RBFOX1: variants seen among roughly 807,000 people sequenced by gnomAD.
RBFOX1 encodes RNA binding fox-1 homolog 1, also known as RNA binding protein fox-1 homolog 1.
A neutral mutation model predicts 57.7 loss-of-function variants in RBFOX1; 8 were observed. That is an observed-to-expected ratio of 0.14 (90% CI 0.08 to 0.25). The LOEUF (loss-of-function observed/expected upper bound fraction) is 0.25. RBFOX1 is among the 10% of genes least tolerant of loss of function. The pLI is 1.00. For synonymous variants in RBFOX1, 326 were observed against 222.4 expected, an observed-to-expected ratio of 1.47 and a Z score of -4.15; for missense variants, 611 against 548.5, an observed-to-expected ratio of 1.11 and a Z score of -1.14.
intron 2 of RBFOX1, among the ~76,000 whole-genome samples, chr16:6,507,888 C>T (rs550065907): frequency 6.6e-6 from 1 of 152,130 alleles, no homozygotes; most frequent in East Asian, 1.9e-4. Flanking sequence ...ATAAAGAGTT[C>T]TACAGATGTA....
At chr16:6,763,699 G>C (rs1391171934) in intron 3 of RBFOX1, among the ~76,000 whole-genome samples, 1 of 152,150 alleles carries the variant, frequency 6.6e-6, no homozygotes, top group African/African-American at 2.4e-5. Context: ...GTTTTTATTA[G>C]AATGTTTGCC....
intron 3 of RBFOX1, among the ~76,000 whole-genome samples, chr16:6,756,878 G>C (rs562118030): frequency 4.6e-5 from 7 of 152,100 alleles, no homozygotes; most frequent in Non-Finnish European, 1.0e-4. Context: ...GGGAGGCTGA[G>C]GCAGGAGAAT....
intron 3 of RBFOX1, among the ~76,000 whole-genome samples, chr16:6,960,297 A>T (rs6500891): frequency 1.6e-4 from 25 of 151,946 alleles, no homozygotes; most frequent in Non-Finnish European, 1.2e-4. Context: ...ATAGATGAGA[A>T]GTTAATCACT....
chr16:5,802,530 G>A (rs936841640), intron 3 of RBFOX1, among the ~76,000 whole-genome samples: 1 of 152,160 alleles, frequency 6.6e-6, no homozygotes, highest in African/African-American at 2.4e-5. Context: ...CTCTCAGAGG[G>A]AATGCTCAGA....
chr16:7,395,606 G>T (rs572937513), intron 4 of RBFOX1, among the ~76,000 whole-genome samples: 23 of 152,194 alleles, frequency 1.5e-4, no homozygotes, highest in Non-Finnish European at 2.9e-4. Context: ...TACCTTTGTT[G>T]TGGGGATTGA....
At chr16:7,364,576 AAAAAAAAAAAAAAC>A (rs935082868) in intron 4 of RBFOX1, among the ~76,000 whole-genome samples, 6 of 130,400 alleles carry the variant, frequency 4.6e-5, no homozygotes, top group African/African-American at 1.8e-4. Context: ...CAAGAAGACC[AAAAAAAAAAAAAAC>A]AAAAAAAAAA....
chr16:7,503,693 C>T (rs2071780898), intron 4 of RBFOX1, among the ~76,000 whole-genome samples: 2 of 152,166 alleles, frequency 1.3e-5, no homozygotes, highest in South Asian at 4.1e-4. Flanking sequence ...TTCCCGCATA[C>T]CCAGGAGGTG....
At chr16:7,361,583 G>A (rs933477199) in intron 4 of RBFOX1, among the ~76,000 whole-genome samples, 7 of 152,118 alleles carry the variant, frequency 4.6e-5, no homozygotes, top group Non-Finnish European at 1.0e-4. Flanking sequence ...AGCTGTTCCC[G>A]GCCTTGTTTC....
chr16:5,594,979 A>G (rs1000780848), intron 2 of RBFOX1, among the ~76,000 whole-genome samples: 45 of 150,456 alleles, frequency 3.0e-4, no homozygotes, highest in Admixed American at 1.2e-3. Flanking sequence ...TAAAAAAAAA[A>G]AAAAAAAAAA....
At chr16:6,262,525 T>G (rs2097707681) in intron 1 of RBFOX1, among the ~76,000 whole-genome samples, 1 of 152,176 alleles carries the variant, frequency 6.6e-6, no homozygotes, top group African/African-American at 2.4e-5. Flanking sequence ...CAGCATCTCA[T>G]AAACATTGGT....
chr16:5,390,998 C>T (rs907881801), intron 1 of RBFOX1, among the ~76,000 whole-genome samples: 4 of 152,198 alleles, frequency 2.6e-5, no homozygotes, highest in Non-Finnish European at 5.9e-5. Flanking sequence ...TTCATTCCAG[C>T]ATCCTGGCTT....
intron 1 of RBFOX1, among the ~76,000 whole-genome samples, chr16:5,265,862 G>T (rs2062844716): frequency 6.6e-6 from 1 of 152,134 alleles, no homozygotes; most frequent in African/African-American, 2.4e-5. Flanking sequence ...TCTGTGGGTG[G>T]ATGTCTGCAT....
Position 6,612,954 on chromosome 16 carries a change from C to T in RBFOX1, c.-63-41649C>T, listed in dbSNP as rs184095099. ...CAAATTCAGTTTGACAAACAAAGCC[C>T]CCGTACAGTTCACGTGCCAAGTGAG... On this transcript the variant is annotated intron_variant, in intron 2 of 15. Coordinates refer to ENST00000550418, the MANE Select transcript of RBFOX1 (RefSeq NM_018723.4). 3.5e-3 allele frequency among the ~76,000 whole-genome samples: 528 copies of T among 151,588 alleles called. 6 individuals carry two copies. The highest frequency in any genetic ancestry group is 0.012 in the African/African-American group (485 of 41,306).
At position 6,670,231 on chromosome 16, in the gene RBFOX1, G is replaced by GT. The variant is rs560565288; in HGVS notation, c.-16+15592dup. ...GGAGTGCACCGTTATGCCTGGCTAT[G>GT]TTTTTTTTTTTAATTTTTGTAGAGA... On this transcript the variant is annotated intron_variant, in intron 3 of 15. Coordinates refer to ENST00000550418, the MANE Select transcript of RBFOX1 (RefSeq NM_018723.4). Among the ~76,000 whole-genome samples the GT allele has an allele frequency of 5.5e-3, 817 of 147,946 alleles. 7 individuals are homozygous for GT. Among genetic ancestry groups the GT allele is most frequent in the South Asian group, 0.032 (148 of 4,656 alleles).
intron 4 of RBFOX1, among the ~76,000 whole-genome samples, chr16:5,983,801 G>T (rs889424329): frequency 6.6e-6 from 1 of 151,620 alleles, no homozygotes; most frequent in African/African-American, 2.4e-5. Context: ...AGGCTGTCGG[G>T]GGGTGTCAGG....
intron 3 of RBFOX1, among the ~76,000 whole-genome samples, chr16:6,717,008 CTTTCTCTCT>C (rs2064963654): frequency 6.6e-6 from 1 of 152,160 alleles, no homozygotes; most frequent in Admixed American, 6.5e-5. Flanking sequence ...GAAGAGCTTG[CTTTCTCTCT>C]TTTCTCTCAA....
intron 4 of RBFOX1, among the ~76,000 whole-genome samples, chr16:7,061,041 C>T (rs77619590): frequency 1.4e-5 from 1 of 69,446 alleles, no homozygotes. Context: ...TGTGTGTGTA[C>T]GTGCACGTGC....
At chr16:7,565,533 C>T (rs1159110604) in intron 5 of RBFOX1, among the ~76,000 whole-genome samples, 2 of 152,172 alleles carry the variant, frequency 1.3e-5, no homozygotes, top group East Asian at 3.9e-4. Flanking sequence ...TGTAAATTCA[C>T]TCGGCGCCCA....
At chr16:5,557,680 G>C (rs1438658769) in intron 2 of RBFOX1, among the ~76,000 whole-genome samples, 4 of 152,318 alleles carry the variant, frequency 2.6e-5, no homozygotes, top group African/African-American at 9.6e-5. Flanking sequence ...AACACTTGTA[G>C]GCTTGTGGTG....
Sources: gnomAD v4.1 joint callset for allele counts (sites outside exome capture counted in the v4.1 genomes callset) on GRCh38, gnomAD v4.1.1 for gene constraint, MANE v1.5 for transcripts, NCBI Gene and HGNC (gene_info 2026-07-23, HGNC 2026-07-21) for gene names.